Variants in SGIP1 observed in about 807,000 individuals in gnomAD.
The protein encoded by SGIP1 is SH3-containing GRB2-like protein 3-interacting protein 1.
SGIP1 carries 38 observed loss-of-function variants against 107.5 expected under a neutral mutation model. That is an observed-to-expected ratio of 0.35 (90% CI 0.27 to 0.46). SGIP1 has a LOEUF of 0.46. SGIP1 is among the 20% of genes least tolerant of loss of function. The pLI is 1.00. For synonymous variants in SGIP1, 365 were observed against 366.1 expected (o/e 1.00, Z 0.03); for missense variants, 929 against 1,019.5 (o/e 0.91, Z 1.21).
rs749732539 is a variant in SGIP1 at position 66,635,968 on chromosome 1, T to C, written c.124T>C (p.Tyr42His). The change falls in exon 4 of 25, where the codon TAC becomes CAC. Residue 42 changes from tyrosine to histidine, a missense_variant. Transcript: ENST00000371037. ...GIQPSPHEPP[Y>H]NSKAECAREG... is the part of the protein sequence containing the mutation. The stretch of plus-strand genomic sequence containing the variant: ...GCAGCCCAGCCCACACGAACCACCC[T>C]ACAATAGCAAAGCAGAGTGTGCGCG... The C allele has an allele frequency of 6.2e-7, 1 of 1,613,768 alleles. No homozygotes were observed. Among genetic ancestry groups the C allele is most frequent in the African/African-American group, 1.3e-5 (1 of 74,900 alleles).
At chr1:66,564,651 T>G (rs2059408936) in intron 1 of SGIP1, among the ~76,000 whole-genome samples, 1 of 151,958 alleles carries the variant, frequency 6.6e-6, no homozygotes, top group African/African-American at 2.4e-5. Context: ...CAGGAAATCA[T>G]GCTGCATCAG....
chr1:66,587,545 T>C (rs1250592691), intron 1 of SGIP1, among the ~76,000 whole-genome samples: 1 of 152,130 alleles, frequency 6.6e-6, no homozygotes, highest in Non-Finnish European at 1.5e-5. Context: ...TATATGACTT[T>C]TTTGGGGCCT....
chr1:66,741,504 G>T, intron 24 of SGIP1, 68 bp downstream of exon 24: 1 of 1,402,654 alleles, frequency 7.1e-7, no homozygotes, highest in Non-Finnish European at 9.4e-7. Flanking sequence ...AAGAGGAATA[G>T]GTTGTGATTT....
chr1:66,689,020 C>T, intron 15 of SGIP1, 128 bp from the exon 16 acceptor site: 1 of 981,096 alleles, frequency 1.0e-6, no homozygotes. Context: ...GAAAGTGCTA[C>T]AGTGTTTAGT....
At chr1:66,577,216 T>G (rs2061186628) in intron 1 of SGIP1, among the ~76,000 whole-genome samples, 1 of 152,198 alleles carries the variant, frequency 6.6e-6, no homozygotes, top group East Asian at 1.9e-4. Context: ...TATTCCTCCA[T>G]GAAGGCCTTT....
chr1:66,630,367 T>A (rs2074002882), intron 2 of SGIP1, among the ~76,000 whole-genome samples: 1 of 152,196 alleles, frequency 6.6e-6, no homozygotes, highest in African/African-American at 2.4e-5. Context: ...CATCTCCACA[T>A]GGATCAGTGC....
chr1:66,544,154 A>G (rs1196969290), intron 1 of SGIP1, among the ~76,000 whole-genome samples: 1 of 152,156 alleles, frequency 6.6e-6, no homozygotes, highest in African/African-American at 2.4e-5. Context: ...CATACTATTA[A>G]GTTACAAGCA....
chr1:66,696,989 C>T (rs2091045964), intron 18 of SGIP1, among the ~76,000 whole-genome samples: 1 of 152,188 alleles, frequency 6.6e-6, no homozygotes, highest in African/African-American at 2.4e-5. Flanking sequence ...TCTGGTCACA[C>T]CAGATGATGC....
At chr1:66,676,801 C>A (rs2085469648) in intron 12 of SGIP1, among the ~76,000 whole-genome samples, 1 of 152,020 alleles carries the variant, frequency 6.6e-6, no homozygotes, top group Non-Finnish European at 1.5e-5. Flanking sequence ...ACAGACACTC[C>A]TCCCACCCAC....
At chr1:66,545,668 G>GTA (rs145426887) in intron 1 of SGIP1, among the ~76,000 whole-genome samples, 3 of 150,616 alleles carry the variant, frequency 2.0e-5, no homozygotes, top group Non-Finnish European at 4.4e-5. Flanking sequence ...GTGTGTGTGT[G>GTA]TATACATACA....
At chr1:66,693,287 A>AAATAAATAAATAAAT (rs1557652733) in intron 17 of SGIP1, among the ~76,000 whole-genome samples, 18 of 67,842 alleles carry the variant, frequency 2.7e-4, no homozygotes, top group African/African-American at 4.0e-4. Context: ...AATAAATAAA[A>AAATAAATAAATAAAT]AACAGTAATT....
rs1189787801 is a variant in SGIP1, at chr1:66,749,821, A to G, written c.*6726A>G. Among the ~76,000 whole-genome samples, 2 of 152,142 alleles carry G rather than the reference A, an allele frequency of 1.3e-5. No homozygotes were observed. The highest frequency in any genetic ancestry group is 2.9e-5 in the Non-Finnish European group (2 of 67,986). On this transcript the variant is annotated 3_prime_UTR_variant, in exon 25 of 25. Transcript: ENST00000371037. Reference sequence around the variant, plus strand: ...CACTCTAAGGTATTTTAAATCATACAACAAGTAACTATCACAAGAACCACT... The same window carrying G: ...CACTCTAAGGTATTTTAAATCATACGACAAGTAACTATCACAAGAACCACT...
chr1:66,671,830 C>T, intron 10 of SGIP1, 114 bp from the exon 11 acceptor site: 2 of 958,356 alleles, frequency 2.1e-6, no homozygotes, highest in South Asian at 1.5e-5. Flanking sequence ...AGTTTTCATA[C>T]TGAGTTGCTT....
intron 18 of SGIP1, among the ~76,000 whole-genome samples, chr1:66,710,170 CATCACTTCAGCTAAG>C (rs2092816113): frequency 6.6e-6 from 1 of 152,088 alleles, no homozygotes; most frequent in South Asian, 2.1e-4. Context: ...CTTTATTAAT[CATCACTTCAGCTAAG>C]ATTCACAATG....
At chr1:66,558,104 G>A (rs577309038) in intron 1 of SGIP1, among the ~76,000 whole-genome samples, 49 of 152,188 alleles carry the variant, frequency 3.2e-4, no homozygotes, top group African/African-American at 1.1e-3. Flanking sequence ...TTTAATCACA[G>A]AGTCTTATTC....
At chr1:66,574,085 A>G (rs1384988428) in intron 1 of SGIP1, among the ~76,000 whole-genome samples, 1 of 152,146 alleles carries the variant, frequency 6.6e-6, no homozygotes, top group African/African-American at 2.4e-5. Flanking sequence ...CAATGCAGGT[A>G]TTCCTGGTAG....
At chr1:66,632,082 A>G (rs1267216484) in intron 2 of SGIP1, among the ~76,000 whole-genome samples, 2 of 152,200 alleles carry the variant, frequency 1.3e-5, no homozygotes, top group Non-Finnish European at 1.5e-5. Flanking sequence ...TAGTGAAGAG[A>G]CATCTTGGAA....
At chr1:66,537,555 A>G (rs953387376) in intron 1 of SGIP1, among the ~76,000 whole-genome samples, 3 of 152,246 alleles carry the variant, frequency 2.0e-5, no homozygotes, top group Non-Finnish European at 2.9e-5. Context: ...CGTAGGCCCA[A>G]CTGAAGGCGT....
intron 2 of SGIP1, 63 bp from the exon 3 acceptor site, chr1:66,633,007 C>CCAA: frequency 9.5e-7 from 1 of 1,055,798 alleles, no homozygotes; most frequent in Non-Finnish European, 1.5e-6. Flanking sequence ...TACTGTTGTA[C>CCAA]TTTAGTCTAT....
Sources: allele counts gnomAD v4.1 joint callset (sites outside exome capture counted in the v4.1 genomes callset), GRCh38; gene constraint gnomAD v4.1.1; transcripts MANE v1.5; gene names NCBI Gene and HGNC (gene_info 2026-07-23, HGNC 2026-07-21).